Variants in RASSF3 observed in about 807,000 individuals in gnomAD.
RASSF3 encodes the protein ras association domain-containing protein 3.
RASSF3 carries 19 observed loss-of-function variants against 19.9 expected under a neutral mutation model. The ratio of observed to expected loss-of-function variants is 0.96; its 90% CI spans 0.67 to 1.40. The LOEUF (loss-of-function observed/expected upper bound fraction) is 1.40, where lower values mean the gene tolerates loss of function less well. Ranked by LOEUF, RASSF3 falls within the 40% of genes most tolerant of loss-of-function variation. The pLI is 0.00. For missense variants in RASSF3, 306 were observed against 289.8 expected (o/e 1.06, Z -0.41); for synonymous variants, 110 against 104.2 (o/e 1.06, Z -0.34).
At chr12:64,580,607 C>T (rs1198352586) in intron 2 of RASSF3, among the ~76,000 whole-genome samples, 1 of 151,680 alleles carries the variant, frequency 6.6e-6, no homozygotes, top group African/African-American at 2.4e-5. Context: ...CACACACACA[C>T]ACACACATCC....
rs1053833948 is a variant in RASSF3 at position 64,691,919 on chromosome 12, A to G, written c.567+340A>G. ...CTCCAAAATACTCCAGTCCAGCTGAACTTTGAAAGTTGACACTCACCATGT... is the reference window on the plus strand; with the variant it reads ...CTCCAAAATACTCCAGTCCAGCTGAGCTTTGAAAGTTGACACTCACCATGT... On this transcript the variant is annotated intron_variant, in intron 4 of 4. Coordinates refer to ENST00000542104, the MANE Select transcript of RASSF3 (RefSeq NM_178169.4). Among the ~76,000 whole-genome samples the G allele has an allele frequency of 2.0e-5, 3 of 152,170 alleles. No homozygotes were observed. The South Asian group carries it at 6.2e-4, about 31-fold the overall frequency.
At chr12:64,691,701 G>A (rs1195223956) in intron 4 of RASSF3, 122 bp downstream of exon 4, 1 of 744,478 alleles carries the variant, frequency 1.3e-6, no homozygotes, top group Non-Finnish European at 2.3e-6. Context: ...AGGGCAGGGG[G>A]ATGGGAAGAG....
downstream of RASSF3, among the ~76,000 whole-genome samples, chr12:64,543,880 AT>A (rs987877127): frequency 4.6e-5 from 7 of 151,968 alleles, no homozygotes; most frequent in Non-Finnish European, 2.9e-5. Flanking sequence ...TACCTAGCTA[AT>A]CTAGTGGGGA....
chr12:64,668,361 T>C (rs769732727), intron 1 of RASSF3, among the ~76,000 whole-genome samples: 2 of 152,008 alleles, frequency 1.3e-5, no homozygotes, highest in Admixed American at 1.3e-4. Flanking sequence ...TCACTGTAGC[T>C]TCCACTTCAC....
rs116591816 is a variant in RASSF3 at position 64,549,598 on chromosome 12, C to T, written c.294+7893C>T. ...TTAATTATTCTTAATCATTAGGAGT[C>T]AATGGTAAAACTTTCTGATGAAAGC... On this transcript the variant is annotated intron_variant, in intron 2 of 5. Coordinates refer to the RASSF3 transcript ENST00000637125. Among the ~76,000 whole-genome samples the T allele has an allele frequency of 6.6e-3, 1,003 of 152,278 alleles. 11 individuals are homozygous for T. The highest frequency in any genetic ancestry group is 0.023 in the African/African-American group (959 of 41,546).
At chr12:64,556,044 G>A (rs1182102913) in intron 2 of RASSF3, among the ~76,000 whole-genome samples, 2 of 152,192 alleles carry the variant, frequency 1.3e-5, no homozygotes, top group African/African-American at 4.8e-5. Context: ...TAAAGGGGAG[G>A]GAGCCAGAGA....
intron 2 of RASSF3, among the ~76,000 whole-genome samples, chr12:64,549,448 C>A (rs1869120424): frequency 2.0e-5 from 3 of 152,164 alleles, no homozygotes; most frequent in African/African-American, 7.2e-5. Context: ...TGATTTACTA[C>A]TTTACACACT....
At chr12:64,627,372 T>C (rs1871031892) in intron 1 of RASSF3, among the ~76,000 whole-genome samples, 1 of 152,220 alleles carries the variant, frequency 6.6e-6, no homozygotes, top group South Asian at 2.1e-4. Flanking sequence ...TTGATGATTG[T>C]GTTTATGAAG....
At chr12:64,694,234 G>T (rs1376419398) in intron 4 of RASSF3, among the ~76,000 whole-genome samples, 4 of 152,148 alleles carry the variant, frequency 2.6e-5, no homozygotes, top group Admixed American at 1.3e-4. Context: ...GGGAACAGAT[G>T]GGGGAGCATA....
intron 1 of RASSF3, among the ~76,000 whole-genome samples, chr12:64,641,398 A>G (rs11175491): frequency 0.066 from 9,645 of 145,056 alleles, 376 homozygotes; most frequent in Non-Finnish European, 0.091. Context: ...CCTGTCTCAC[A>G]GGCGCACACA....
chr12:64,591,326 A>C (rs796743451), intron 2 of RASSF3, among the ~76,000 whole-genome samples: 10 of 152,258 alleles, frequency 6.6e-5, no homozygotes, highest in Admixed American at 2.6e-4. Flanking sequence ...AATACAAAAA[A>C]TTAGCCAGAT....
chr12:64,516,292 A>T (rs543445949), intron 1 of RASSF3, among the ~76,000 whole-genome samples: 1 of 152,332 alleles, frequency 6.6e-6, no homozygotes, highest in Admixed American at 6.5e-5. Context: ...GCAAAAACCC[A>T]GTGGGATATA....
At chr12:64,610,133 C>T (rs1423083367), upstream of RASSF3, among the ~76,000 whole-genome samples, 1 of 152,150 alleles carries the variant, frequency 6.6e-6, no homozygotes, top group Non-Finnish European at 1.5e-5. Flanking sequence ...AAGTTCCCCG[C>T]TCTGCTCCCG....
intron 1 of RASSF3, among the ~76,000 whole-genome samples, chr12:64,614,418 G>A (rs953739967): frequency 2.8e-4 from 42 of 151,904 alleles, no homozygotes; most frequent in African/African-American, 2.4e-5. Context: ...GTGAGCCACC[G>A]CACCTGGCCC....
At chr12:64,561,922 G>T (rs1016726351) in intron 2 of RASSF3, among the ~76,000 whole-genome samples, 8 of 151,722 alleles carry the variant, frequency 5.3e-5, no homozygotes, top group African/African-American at 1.9e-4. Flanking sequence ...GACCTCGAGT[G>T]ATCCACCCAC....
chr12:64,618,136 C>G (rs762989716), intron 1 of RASSF3, among the ~76,000 whole-genome samples: 2 of 151,894 alleles, frequency 1.3e-5, no homozygotes, highest in Non-Finnish European at 2.9e-5. Flanking sequence ...TGGGATCTTG[C>G]TATGTTGCCC....
intron 1 of RASSF3, among the ~76,000 whole-genome samples, chr12:64,645,717 T>C (rs1043743803): frequency 2.0e-5 from 3 of 152,182 alleles, no homozygotes; most frequent in Non-Finnish European, 4.4e-5. Flanking sequence ...CAATGTTTAT[T>C]TGTGTAGATA....
intron 1 of RASSF3, among the ~76,000 whole-genome samples, chr12:64,676,681 C>T (rs1036552650): frequency 1.3e-5 from 2 of 151,652 alleles, no homozygotes; most frequent in Middle Eastern, 3.2e-3. Context: ...ATGTTGGCCA[C>T]GCTGGTCTCA....
Position 64,695,009 on chromosome 12 carries a change from TGCTAGG to T in RASSF3, c.*99_*104del. ...AGAGGGCTGCTGTCTTGCCCCACTA[TGCTAGG>T]GTCTTCGCCTTTCTATCTGTAGATT... On this transcript the variant is annotated 3_prime_UTR_variant, in exon 5 of 5. Transcript: ENST00000542104. 1.5e-6 allele frequency: 2 copies of T among 1,329,818 alleles called. No individual in the cohort carries two copies. The highest frequency in any genetic ancestry group is 2.1e-6 in the Non-Finnish European group (2 of 969,374). The allele number at this position is 1,329,818 out of a possible 1,614,324, so 82.4% of individuals were successfully genotyped here. A position where few individuals can be genotyped will look rare whatever the true frequency, so the allele number is the denominator to read the frequency against.
Sources: gnomAD v4.1 joint callset for allele counts (sites outside exome capture counted in the v4.1 genomes callset) on GRCh38, gnomAD v4.1.1 for gene constraint, MANE v1.5 for transcripts, NCBI Gene and HGNC (gene_info 2026-07-23, HGNC 2026-07-21) for gene names.